The following LNX1 variants were observed in gnomAD, a reference collection of about 807,000 sequenced individuals.
LNX1 encodes E3 ubiquitin-protein ligase LNX.
In LNX1, 54 loss-of-function variants were observed where a neutral mutation model predicts 68.4. The observed-to-expected ratio is 0.79, with a 90% CI of 0.63 to 0.99. The LOEUF (loss-of-function observed/expected upper bound fraction) is 0.99. Among genes scored for constraint, LNX1 ranks in the 50% least tolerant of loss-of-function variants. LNX1 has a pLI of 0.00. For missense variants in LNX1, 906 were observed against 926.4 expected (o/e 0.98, Z 0.29); for synonymous variants, 336 against 350.0 (o/e 0.96, Z 0.45).
chr4:53,509,660 C>T (rs190908412), intron 2 of LNX1, among the ~76,000 whole-genome samples: 95 of 152,302 alleles, frequency 6.2e-4, no homozygotes, highest in Middle Eastern at 6.8e-3. Context: ...TCATTAAAGT[C>T]GTCATGGTAT....
intron 5 of LNX1, 147 bp downstream of exon 5, chr4:53,498,494 C>A: frequency 3.1e-6 from 2 of 635,884 alleles, no homozygotes; most frequent in Non-Finnish European, 5.6e-6. Context: ...AATGACAAAT[C>A]TCAGAGAGTC....
intron 1 of LNX1, among the ~76,000 whole-genome samples, chr4:53,585,848 C>A (rs919874876): frequency 6.6e-6 from 1 of 152,002 alleles, no homozygotes; most frequent in East Asian, 1.9e-4. Flanking sequence ...TTTAAGCCAC[C>A]AAGTTTATGG....
At chr4:53,603,905 C>T (rs1733122506) in intron 2 of LNX1, 3 of 152,312 alleles carry the variant, frequency 2.0e-5, no homozygotes, top group African/African-American at 7.2e-5. Context: ...AGAGTCTGTT[C>T]TGATAGGTTG....
intron 4 of LNX1, among the ~76,000 whole-genome samples, chr4:53,500,969 G>A (rs4864767): frequency 0.4 from 60,930 of 151,830 alleles, 12,761 homozygotes; most frequent in South Asian, 0.57. Flanking sequence ...AAACCACACT[G>A]CCAAACCTAA....
At chr4:53,524,438 G>C (rs1727468321) in intron 2 of LNX1, 1 of 152,168 alleles carries the variant, frequency 6.6e-6, no homozygotes, top group African/African-American at 2.4e-5. Context: ...GACCAAGGTG[G>C]TACTCTCTCC....
intron 1 of LNX1, among the ~76,000 whole-genome samples, chr4:53,633,532 G>T (rs1323158989): frequency 6.6e-6 from 1 of 152,136 alleles, no homozygotes; most frequent in Non-Finnish European, 1.5e-5. Context: ...CAGGGAAGCT[G>T]CCATGAGTTT....
chr4:53,512,099 G>T lies in LNX1; in HGVS notation c.381-3872C>A, dbSNP rs189658264. 3.3e-5 allele frequency among the ~76,000 whole-genome samples: 5 copies of T among 152,260 alleles called. No homozygotes were observed. In the East Asian group the frequency reaches 5.8e-4, roughly 18 times the overall value. On this transcript the variant is annotated intron_variant, in intron 2 of 10. Transcript: ENST00000263925. Reference sequence around the variant, plus strand: ...CAAGAGCTTGCAAATTCATATGCTCGTCAGGTGAGAGAATGAGGGAAGGAA... The same window carrying T: ...CAAGAGCTTGCAAATTCATATGCTCTTCAGGTGAGAGAATGAGGGAAGGAA...
intron 2 of LNX1, among the ~76,000 whole-genome samples, chr4:53,598,192 A>G (rs985018068): frequency 3.3e-5 from 5 of 150,692 alleles, no homozygotes; most frequent in African/African-American, 1.2e-4. Context: ...CCTGTTCTGC[A>G]CTCGTGACAT....
chr4:53,467,690 G>A lies in LNX1; in HGVS notation c.1893-6097C>T, dbSNP rs556667848. Among the ~76,000 whole-genome samples, 38 of 152,288 alleles carry A rather than the reference G, an allele frequency of 2.5e-4. 1 individual carries two copies. The highest frequency in any genetic ancestry group is 8.7e-4 in the African/African-American group (36 of 41,540). Reference sequence around the variant, plus strand: ...AACCACGGCACGAGAACTATGTGACGAATGCACAAGCCTCAGTAGCCGATG... The same window carrying A: ...AACCACGGCACGAGAACTATGTGACAAATGCACAAGCCTCAGTAGCCGATG... On this transcript the variant is annotated intron_variant, in intron 9 of 10. Coordinates refer to ENST00000263925, the MANE Select transcript of LNX1 (RefSeq NM_001126328.3).
At position 53,573,988 on chromosome 4, in the gene LNX1, CTCT is replaced by C. The variant is rs779923788; in HGVS notation, c.12_14del (p.Glu5del). 8.1e-6 allele frequency: 13 copies of C among 1,611,684 alleles called. No homozygotes were observed. The highest frequency in any genetic ancestry group is 1.1e-5 in the Non-Finnish European group (13 of 1,178,644). ...ACAGGGGTTCAGGATCGTTGGCAGA[CTCT>C]GGCTGGTTCATGATGGATTGGAGAG... On this transcript the variant is annotated inframe_deletion, in exon 2 of 11. Transcript: ENST00000263925.
intron 1 of LNX1, among the ~76,000 whole-genome samples, chr4:53,651,430 G>A (rs1735093225): frequency 6.6e-6 from 1 of 152,230 alleles, no homozygotes; most frequent in Non-Finnish European, 1.5e-5. Context: ...CCCAGGAATG[G>A]AAGTAAACAG....
intron 2 of LNX1, among the ~76,000 whole-genome samples, chr4:53,572,206 C>T (rs926279008): frequency 2.0e-5 from 3 of 152,116 alleles, no homozygotes; most frequent in Admixed American, 6.5e-5. Context: ...TTCCCACCAA[C>T]GTCTCCCATA....
At chr4:53,619,124 A>G (rs1039374917), upstream of LNX1, among the ~76,000 whole-genome samples, 3 of 152,214 alleles carry the variant, frequency 2.0e-5, no homozygotes, top group Admixed American at 2.0e-4. Context: ...GTGTAACTCT[A>G]AAATGAAAAT....
Position 53,646,640 on chromosome 4 carries a change from A to G in LNX1, c.-215+5528T>C, listed in dbSNP as rs187200845. Among the ~76,000 whole-genome samples, 47 of 152,316 alleles carry G rather than the reference A, an allele frequency of 3.1e-4. 1 individual carries two copies. Among genetic ancestry groups the G allele is most frequent in the Non-Finnish European group, 1.5e-5 (1 of 68,028 alleles). ...CTTGAAATTTGAATTTTTATATGAA[A>G]TCTCCTGATTGTTAGATGTTTAGTA... On this transcript the variant is annotated intron_variant, in intron 1 of 2. Transcript: ENST00000507168.
At chr4:53,584,834 A>G (rs1463452320) in intron 1 of LNX1, among the ~76,000 whole-genome samples, 1 of 152,232 alleles carries the variant, frequency 6.6e-6, no homozygotes, top group African/African-American at 2.4e-5. Context: ...CAGTTTTTCA[A>G]ATAGCTAGTG....
At chr4:53,563,339 A>G (rs1730412159) in intron 2 of LNX1, among the ~76,000 whole-genome samples, 1 of 152,268 alleles carries the variant, frequency 6.6e-6, no homozygotes. Context: ...AGCAGCCACC[A>G]GCCTGGAGGC....
chr4:53,485,843 C>A (rs1402525817), intron 6 of LNX1, among the ~76,000 whole-genome samples: 1 of 152,130 alleles, frequency 6.6e-6, no homozygotes, highest in Admixed American at 6.5e-5. Context: ...GAGAAAATGG[C>A]AGAAACTTGT....
At chr4:53,501,281 C>CT (rs11401056) in intron 4 of LNX1, among the ~76,000 whole-genome samples, 13,469 of 62,846 alleles carry the variant, frequency 0.21, 2,280 homozygotes, top group Non-Finnish European at 0.27. Flanking sequence ...TGATAATAAT[C>CT]TTTTTTTTTT....
intron 2 of LNX1, among the ~76,000 whole-genome samples, chr4:53,572,221 G>A (rs533577578): frequency 3.3e-5 from 5 of 151,902 alleles, no homozygotes; most frequent in Non-Finnish European, 5.9e-5. Context: ...CCCATACCTG[G>A]GCAAAACTTT....
Sources: allele counts gnomAD v4.1 joint callset (sites outside exome capture counted in the v4.1 genomes callset), GRCh38; gene constraint gnomAD v4.1.1; transcripts MANE v1.5; gene names NCBI Gene and HGNC (gene_info 2026-07-23, HGNC 2026-07-21).